The following NAT2 variants were observed in gnomAD, a reference collection of about 807,000 sequenced individuals.
The protein encoded by NAT2 is N-acetyltransferase 2.
For synonymous variants in NAT2, 137 were observed against 125.9 expected (o/e 1.09, Z -0.59); for missense variants, 428 against 339.1 (o/e 1.26, Z -2.06).
Position 18,400,917 on chromosome 8 carries a change from C to G in NAT2, c.*41C>G. On this transcript the variant is annotated 3_prime_UTR_variant, in exon 2 of 2. Coordinates refer to ENST00000286479, the MANE Select transcript of NAT2 (RefSeq NM_000015.3). ...AAACCCTTGTGTATGTATCACCCAA[C>G]TCACTAATTATCAACTTATGTGCTA... The G allele has an allele frequency of 6.9e-7, 1 of 1,451,744 alleles. No individual in the cohort carries two copies. Among genetic ancestry groups the G allele is most frequent in the Non-Finnish European group, 9.3e-7 (1 of 1,079,732 alleles). 89.9% of individuals were successfully genotyped at this position (1,451,744 alleles called of 1,614,324 possible).
intron 1 of NAT2, among the ~76,000 whole-genome samples, chr8:18,396,327 A>C (rs1800689084): frequency 1.3e-5 from 2 of 152,210 alleles, no homozygotes; most frequent in South Asian, 4.1e-4. Context: ...CAGCTGGCTT[A>C]TATATAGAAT....
At chr8:18,399,418 A>G (rs1364804257) in intron 1 of NAT2, among the ~76,000 whole-genome samples, 1 of 152,204 alleles carries the variant, frequency 6.6e-6, no homozygotes, top group East Asian at 1.9e-4. Flanking sequence ...CCATTAAAAT[A>G]TAATATTTTT....
At chr8:18,394,992 CT>C (rs1800659789) in intron 1 of NAT2, among the ~76,000 whole-genome samples, 1 of 151,934 alleles carries the variant, frequency 6.6e-6, no homozygotes, top group Admixed American at 6.6e-5. Flanking sequence ...CTGTAAATGT[CT>C]AAAAAGAAAA....
At chr8:18,392,768 G>A (rs1246716725) in intron 1 of NAT2, among the ~76,000 whole-genome samples, 1 of 152,198 alleles carries the variant, frequency 6.6e-6, no homozygotes, top group Non-Finnish European at 1.5e-5. Context: ...ATTATTCCGA[G>A]GCCACAGTAA....
In NAT2 at chr8:18,400,838, C is replaced by T; in HGVS notation, c.835C>T (p.Leu279Phe). 6.2e-7 allele frequency: 1 copy of T among 1,606,930 alleles called. No individual in the cohort carries two copies. The change falls in exon 2 of 2, where the codon CTC (leucine) becomes TTC (phenylalanine). Residue 279 changes from leucine (L) to phenylalanine (F), a missense_variant. By Grantham distance (22) the Leu-to-Phe change is conservative (BLOSUM62 0). Coordinates refer to ENST00000286479, the MANE Select transcript of NAT2 (RefSeq NM_000015.3). The part of the protein sequence containing the change: ...NIFKISLGRN[L>F]VPKPGDGSLT... ...ATTTAAGATTTCCTTGGGGAGAAAT[C>T]TCGTGCCCAAACCTGGTGATGGATC...
upstream of NAT2, among the ~76,000 whole-genome samples, chr8:18,388,504 CA>C (rs11390514): frequency 6.3e-3 from 497 of 78,450 alleles, 2 homozygotes; most frequent in African/African-American, 0.023. Context: ...AGATAATAAG[CA>C]AAAAAAAAAA....
In NAT2 at chr8:18,400,181, G is replaced by T; in HGVS notation, c.178G>T (p.Val60Leu). The change falls in exon 2 of 2, where the codon GTA (valine) becomes TTA (leucine). Residue 60 changes from valine to leucine, a missense_variant. By Grantham distance (32) the Val-to-Leu change is conservative (BLOSUM62 1). Coordinates refer to ENST00000286479, the MANE Select transcript of NAT2 (RefSeq NM_000015.3). ...LGLEAIFDHI[V>L]RRNRGGWCLQ... is the part of the protein sequence containing the mutation. ...CTTAGAGGCTATTTTTGATCACATT[G>T]TAAGAAGAAACCGGGGTGGGTGGTG... The T allele has an allele frequency of 6.2e-7, 1 of 1,613,762 alleles. No individual in the cohort carries two copies. Among genetic ancestry groups the T allele is most frequent in the Non-Finnish European group, 8.5e-7 (1 of 1,179,782 alleles).
At chr8:18,389,456 G>T (rs1473045947), upstream of NAT2, among the ~76,000 whole-genome samples, 1 of 152,112 alleles carries the variant, frequency 6.6e-6, no homozygotes, top group East Asian at 1.9e-4. Flanking sequence ...AAATGTGAAG[G>T]GTCAATAGGT....
At chr8:18,392,687 A>G (rs1024701130) in intron 1 of NAT2, among the ~76,000 whole-genome samples, 3 of 152,222 alleles carry the variant, frequency 2.0e-5, no homozygotes, top group Non-Finnish European at 4.4e-5. Flanking sequence ...TTGACACTCA[A>G]TATTAACCAC....
intron 1 of NAT2, among the ~76,000 whole-genome samples, chr8:18,393,298 T>G (rs1020630352): frequency 6.6e-6 from 1 of 152,076 alleles, no homozygotes; most frequent in Non-Finnish European, 1.5e-5. Context: ...TGAGCAAATT[T>G]AAATATATCA....
Position 18,401,033 on chromosome 8 carries a change from AC to A in NAT2, c.*158del. 1 of 517,226 alleles carries A rather than the reference AC, an allele frequency of 1.9e-6. No individual in the cohort carries two copies. Among genetic ancestry groups the A allele is most frequent in the Middle Eastern group, 5.2e-4 (1 of 1,908 alleles). The allele number at this position is 517,226 out of a possible 1,614,324, so 32.0% of individuals were successfully genotyped here. A position where few individuals can be genotyped will look rare whatever the true frequency, so the allele number is the denominator to read the frequency against. On this transcript the variant is annotated 3_prime_UTR_variant, in exon 2 of 2. Transcript: ENST00000286479. The stretch of plus-strand genomic sequence containing the variant: ...TAAAAATGTCAGCATTTATTAAAAA[AC>A]AATAACTTTTTAAAGAAACATAAGG...
upstream of NAT2, among the ~76,000 whole-genome samples, chr8:18,386,820 T>A (rs1298258579): frequency 1.3e-5 from 2 of 152,100 alleles, no homozygotes; most frequent in Non-Finnish European, 2.9e-5. Flanking sequence ...GTTCACTCTT[T>A]CCCTAGGGTC....
In NAT2 at chr8:18,400,374, G is replaced by A. The variant is rs764591879; in HGVS notation, c.371G>A (p.Gly124Glu). ...GGCAGGAATTACATTGTCGATGCTGGGTCTGGAAGCTCCTCCCAGATGTGG... is the reference window on the plus strand; with the variant it reads ...GGCAGGAATTACATTGTCGATGCTGAGTCTGGAAGCTCCTCCCAGATGTGG... ...IDGRNYIVDA[G>E]SGSSSQMWQP... Residue 124 changes from glycine (G) to glutamate (E), a missense_variant, in exon 2 of 2, where the codon GGG becomes GAG. By Grantham distance (98) the Gly-to-Glu change is moderately conservative. Coordinates refer to ENST00000286479, the MANE Select transcript of NAT2 (RefSeq NM_000015.3). 6.2e-7 allele frequency: 1 copy of A among 1,612,054 alleles called. No homozygotes were observed. The highest frequency in any genetic ancestry group is 8.5e-7 in the Non-Finnish European group (1 of 1,179,294).
At chr8:18,396,431 TTTTG>T (rs1465644258) in intron 1 of NAT2, among the ~76,000 whole-genome samples, 9 of 152,314 alleles carry the variant, frequency 5.9e-5, no homozygotes, top group Admixed American at 5.9e-4. Flanking sequence ...AAAAATTTTT[TTTTG>T]TTCTTTTGAG....
chr8:18,389,935 G>C (rs1325503444), upstream of NAT2, among the ~76,000 whole-genome samples: 4 of 152,204 alleles, frequency 2.6e-5, no homozygotes, highest in East Asian at 7.7e-4. Flanking sequence ...ACCAGTGCGG[G>C]AGTATAACAG....
chr8:18,398,836 A>T (rs2117619819), intron 1 of NAT2, among the ~76,000 whole-genome samples: 1 of 152,284 alleles, frequency 6.6e-6, no homozygotes, highest in Admixed American at 6.5e-5. Flanking sequence ...CCATCAGCCA[A>T]GCTTTGGTCC....
At chr8:18,395,385 A>T (rs1800665735) in intron 1 of NAT2, among the ~76,000 whole-genome samples, 1 of 152,080 alleles carries the variant, frequency 6.6e-6, no homozygotes, top group African/African-American at 2.4e-5. Context: ...TTAACATAAT[A>T]ATTATAAATA....
chr8:18,396,979 A>G (rs1001517431), intron 1 of NAT2, among the ~76,000 whole-genome samples: 3 of 152,214 alleles, frequency 2.0e-5, no homozygotes, highest in Non-Finnish European at 2.9e-5. Flanking sequence ...TATGTAATTT[A>G]AAATCTTAAA....
chr8:18,400,977 G>A lies in NAT2; in HGVS notation c.*101G>A. On this transcript the variant is annotated 3_prime_UTR_variant, in exon 2 of 2. Transcript: ENST00000286479. ...CTCTCTACCCTCACGTTATTTTGAAGAAAATCCTAAACATCAAATACTTTC... is the reference window on the plus strand; with the variant it reads ...CTCTCTACCCTCACGTTATTTTGAAAAAAATCCTAAACATCAAATACTTTC... 2.5e-6 allele frequency: 2 copies of A among 794,768 alleles called. No homozygotes were observed. Among genetic ancestry groups the A allele is most frequent in the Non-Finnish European group, 1.8e-6 (1 of 545,096 alleles). The allele number at this position is 794,768 out of a possible 1,614,324, so 49.2% of individuals were successfully genotyped here.
Sources: allele counts gnomAD v4.1 joint callset (sites outside exome capture counted in the v4.1 genomes callset), GRCh38; gene constraint gnomAD v4.1.1; transcripts MANE v1.5; gene names NCBI Gene and HGNC (gene_info 2026-07-23, HGNC 2026-07-21).